Variants in PCP4 observed in about 807,000 individuals in gnomAD.
PCP4 encodes the protein calmodulin regulator protein PCP4.
In PCP4, 8 loss-of-function variants were observed where a neutral mutation model predicts 10.0. That is an observed-to-expected ratio of 0.80 (90% CI 0.47 to 1.45). The LOEUF is 1.45. Among genes scored for constraint, PCP4 ranks in the 40% most tolerant of loss-of-function variants. PCP4 has a pLI of 0.00. For synonymous variants in PCP4, 21 were observed against 23.0 expected, an observed-to-expected ratio of 0.91 and a Z score of 0.24; for missense variants, 54 against 74.4, an observed-to-expected ratio of 0.73 and a Z score of 1.01.
intron 1 of PCP4, among the ~76,000 whole-genome samples, chr21:39,880,055 G>A (rs934169670): frequency 3.3e-5 from 5 of 152,152 alleles, no homozygotes; most frequent in Admixed American, 6.5e-5. Flanking sequence ...AAGAGGCAGA[G>A]CTGAAGAAAC....
intron 2 of PCP4, among the ~76,000 whole-genome samples, chr21:39,919,009 T>A (rs2087582130): frequency 6.6e-6 from 1 of 152,368 alleles, no homozygotes; most frequent in African/African-American, 2.4e-5. Flanking sequence ...TTTTTTTTCC[T>A]CTGGAGGAAT....
chr21:39,880,130 G>GTGTCTA (rs2087366336), intron 1 of PCP4, among the ~76,000 whole-genome samples: 1 of 141,518 alleles, frequency 7.1e-6, no homozygotes, highest in Admixed American at 7.2e-5. Context: ...ATCTATATCT[G>GTGTCTA]TATCTATATC....
At chr21:39,923,266 T>G (rs900333258) in intron 2 of PCP4, among the ~76,000 whole-genome samples, 23 of 152,210 alleles carry the variant, frequency 1.5e-4, no homozygotes, top group African/African-American at 5.5e-4. Flanking sequence ...GAACAGGTTC[T>G]CAGAACTCCA....
intron 1 of PCP4, among the ~76,000 whole-genome samples, chr21:39,872,561 T>C (rs1026817823): frequency 4.6e-5 from 7 of 152,216 alleles, no homozygotes; most frequent in South Asian, 2.1e-4. Context: ...TATTTAATGA[T>C]ATTTTTATGA....
intron 1 of PCP4, among the ~76,000 whole-genome samples, chr21:39,886,935 A>C (rs1236650592): frequency 6.6e-6 from 1 of 152,236 alleles, no homozygotes; most frequent in Non-Finnish European, 1.5e-5. Flanking sequence ...TTCCTTGCTC[A>C]TTTATGTTCC....
At chr21:39,912,005 G>A (rs762983258) in intron 2 of PCP4, among the ~76,000 whole-genome samples, 1 of 152,212 alleles carries the variant, frequency 6.6e-6, no homozygotes, top group Non-Finnish European at 1.5e-5. Context: ...ACTCCCTGTT[G>A]TGTATTTCCT....
intron 2 of PCP4, among the ~76,000 whole-genome samples, chr21:39,905,934 C>G (rs530754023): frequency 6.6e-6 from 1 of 152,230 alleles, no homozygotes; most frequent in South Asian, 2.1e-4. Flanking sequence ...CCTGTAGTCC[C>G]AGATACTCAG....
intron 2 of PCP4, among the ~76,000 whole-genome samples, chr21:39,922,160 C>G (rs1009245045): frequency 6.6e-6 from 1 of 152,122 alleles, no homozygotes; most frequent in African/African-American, 2.4e-5. Flanking sequence ...CCCTGAGACT[C>G]GTAAAATTCA....
At chr21:39,907,561 C>T (rs748606480) in intron 2 of PCP4, among the ~76,000 whole-genome samples, 2 of 152,078 alleles carry the variant, frequency 1.3e-5, no homozygotes, top group Admixed American at 1.3e-4. Context: ...TTTGGGAGGC[C>T]GAGGTGGGTG....
intron 2 of PCP4, among the ~76,000 whole-genome samples, chr21:39,914,354 A>T (rs1003276152): frequency 6.6e-6 from 1 of 152,160 alleles, no homozygotes; most frequent in Non-Finnish European, 1.5e-5. Context: ...CAAGTGGATC[A>T]CCTGAGGTCA....
At chr21:39,911,790 T>G (rs1254450742) in intron 2 of PCP4, among the ~76,000 whole-genome samples, 1 of 152,224 alleles carries the variant, frequency 6.6e-6, no homozygotes, top group Non-Finnish European at 1.5e-5. Context: ...TGAACCGTAG[T>G]TTTGAAATTA....
rs139193076 is a variant in PCP4, at chr21:39,870,888, C to A, written c.9+3378C>A. Among the ~76,000 whole-genome samples the A allele has an allele frequency of 2.8e-3, 431 of 152,320 alleles. 1 individual carries two copies. Among genetic ancestry groups the A allele is most frequent in the Non-Finnish European group, 4.4e-3 (300 of 68,028 alleles). On this transcript the variant is annotated intron_variant, in intron 1 of 2. Coordinates refer to ENST00000328619, the MANE Select transcript of PCP4 (RefSeq NM_006198.3). ...GTGGATGGGAAAGTGCAACTCAGTACAAGGGCTGTGGCTCTTTCTTTCGTC... is the reference window on the plus strand; with the variant it reads ...GTGGATGGGAAAGTGCAACTCAGTAAAAGGGCTGTGGCTCTTTCTTTCGTC...
chr21:39,872,224 C>T (rs2087324023), intron 1 of PCP4, among the ~76,000 whole-genome samples: 2 of 152,198 alleles, frequency 1.3e-5, no homozygotes, highest in Non-Finnish European at 2.9e-5. Context: ...GTCTCGAACT[C>T]CTGACCTCAG....
intron 1 of PCP4, among the ~76,000 whole-genome samples, chr21:39,889,551 G>T (rs1265942637): frequency 2.0e-5 from 3 of 149,386 alleles, no homozygotes; most frequent in African/African-American, 7.4e-5. Context: ...TGAGTAGCTG[G>T]GACTACAGGC....
intron 2 of PCP4, among the ~76,000 whole-genome samples, chr21:39,921,648 G>GTTAC (rs2087597120): frequency 6.6e-6 from 1 of 152,152 alleles, no homozygotes; most frequent in Non-Finnish European, 1.5e-5. Flanking sequence ...ACTACATTTG[G>GTTAC]AGATGGTTAA....
intron 1 of PCP4, among the ~76,000 whole-genome samples, chr21:39,892,869 G>T (rs1010066774): frequency 6.6e-6 from 1 of 152,068 alleles, no homozygotes; most frequent in Middle Eastern, 3.2e-3. Flanking sequence ...AAAAGAATGA[G>T]ATCTAGTCAT....
At chr21:39,916,086 A>G (rs1193668833) in intron 2 of PCP4, 1 of 152,166 alleles carries the variant, frequency 6.6e-6, no homozygotes, top group Non-Finnish European at 1.5e-5. Flanking sequence ...AAGAAGGGCA[A>G]ACTGTGGCTT....
chr21:39,881,747 A>T (rs2087376603), intron 1 of PCP4, among the ~76,000 whole-genome samples: 1 of 152,188 alleles, frequency 6.6e-6, no homozygotes. Flanking sequence ...CCGACTCTGC[A>T]CCCAGATGGA....
chr21:39,923,508 T>C (rs1029169420), intron 2 of PCP4, among the ~76,000 whole-genome samples: 1 of 152,314 alleles, frequency 6.6e-6, no homozygotes, highest in Non-Finnish European at 1.5e-5. Context: ...AAGACTGTAG[T>C]TTTTATTTGA....
Sources: allele counts gnomAD v4.1 joint callset (sites outside exome capture counted in the v4.1 genomes callset), GRCh38; gene constraint gnomAD v4.1.1; transcripts MANE v1.5; gene names NCBI Gene and HGNC (gene_info 2026-07-23, HGNC 2026-07-21).